The following GRIA2 variants were observed in gnomAD, a reference collection of about 807,000 sequenced individuals.
GRIA2 encodes glutamate receptor 2.
GRIA2 carries 14 observed loss-of-function variants against 97.3 expected under a neutral mutation model. That is an observed-to-expected ratio of 0.14 (90% CI 0.10 to 0.23). The LOEUF (loss-of-function observed/expected upper bound fraction) is 0.23. Ranked by LOEUF, GRIA2 falls within the 10% of genes least tolerant of loss-of-function variation. The pLI, the probability that GRIA2 is intolerant of heterozygous loss-of-function variation, is 1.00. For missense variants in GRIA2, 558 were observed against 1,069.8 expected, an observed-to-expected ratio of 0.52 and a Z score of 6.67; for synonymous variants, 412 against 387.8, an observed-to-expected ratio of 1.06 and a Z score of -0.73.
chr4:157,269,829 T>G (rs570336234), intron 2 of GRIA2, among the ~76,000 whole-genome samples: 1 of 152,258 alleles, frequency 6.6e-6, no homozygotes, highest in South Asian at 2.1e-4. Context: ...ATTCGGTATC[T>G]ACAGCCTTTA....
At chr4:157,247,623 G>A (rs1044999123) in intron 2 of GRIA2, among the ~76,000 whole-genome samples, 1 of 152,164 alleles carries the variant, frequency 6.6e-6, no homozygotes, top group Non-Finnish European at 1.5e-5. Flanking sequence ...CAGTGGGCAT[G>A]CTTGGCTTCT....
intron 2 of GRIA2, among the ~76,000 whole-genome samples, chr4:157,223,988 T>G (rs568341067): frequency 6.6e-6 from 1 of 152,312 alleles, no homozygotes; most frequent in East Asian, 1.9e-4. Context: ...ATAAAATATA[T>G]AGCCAGAATA....
At chr4:157,319,645 C>T (rs991673146) in intron 5 of GRIA2, among the ~76,000 whole-genome samples, 4 of 152,192 alleles carry the variant, frequency 2.6e-5, no homozygotes, top group Admixed American at 1.3e-4. Context: ...CAATGCCACC[C>T]GAAGTTGAAG....
intron 12 of GRIA2, among the ~76,000 whole-genome samples, chr4:157,355,942 A>ATAT (rs1560781198): frequency 2.7e-4 from 1 of 3,740 alleles, no homozygotes; most frequent in Admixed American, 0.01. Flanking sequence ...TTTATATATT[A>ATAT]ATATATATTT....
chr4:157,258,360 G>A (rs918018579), intron 2 of GRIA2, among the ~76,000 whole-genome samples: 15 of 151,968 alleles, frequency 9.9e-5, no homozygotes, highest in Non-Finnish European at 1.9e-4. Flanking sequence ...CGGCCACTCT[G>A]GGGACGTCTG....
intron 2 of GRIA2, among the ~76,000 whole-genome samples, chr4:157,242,860 T>C (rs1326044266): frequency 6.6e-6 from 1 of 152,116 alleles, no homozygotes; most frequent in African/African-American, 2.4e-5. Context: ...AACAGTACTA[T>C]AATTCAAGCC....
chr4:157,333,108 C>A, intron 7 of GRIA2, 122 bp downstream of exon 7: 1 of 966,282 alleles, frequency 1.0e-6, no homozygotes, highest in East Asian at 2.6e-5. Flanking sequence ...TCTTTTCTAA[C>A]AACACAAAGG....
chr4:157,317,793 C>A, intron 5 of GRIA2, 82 bp downstream of exon 5: 1 of 638,884 alleles, frequency 1.6e-6, no homozygotes, highest in Non-Finnish European at 2.8e-6. Context: ...CAGCATTTAT[C>A]AGTGGTGTTT....
Position 157,312,807 on chromosome 4 carries a change from G to C in GRIA2, c.598G>C (p.Glu200Gln). Residue 200 changes from glutamate (E) to glutamine (Q), a missense_variant, in exon 4 of 16, where the codon GAG (glutamate) becomes CAG (glutamine). Physicochemically the swap from Glu to Gln is conservative, Grantham distance 29. Transcript: ENST00000264426. ...GTACCGATCACTTTTTCAAGATCTGGAGTTAAAAAAGGAACGGCGTGTAAT... is the reference window on the plus strand; with the variant it reads ...GTACCGATCACTTTTTCAAGATCTGCAGTTAAAAAAGGAACGGCGTGTAAT... ...EMYRSLFQDLELKKERRVILD... is the reference protein window; with the variant it reads ...EMYRSLFQDLQLKKERRVILD... 1 of 1,611,260 alleles carries C rather than the reference G, an allele frequency of 6.2e-7. No homozygotes were observed. The highest frequency in any genetic ancestry group is 8.5e-7 in the Non-Finnish European group (1 of 1,177,882).
chr4:157,220,893 C>T lies in GRIA2; in HGVS notation c.-150C>T, dbSNP rs946212484. 5 of 626,666 alleles carry T rather than the reference C, an allele frequency of 8.0e-6. No homozygotes were observed. Among genetic ancestry groups the T allele is most frequent in the African/African-American group, 5.5e-5 (3 of 54,298 alleles). 38.8% of individuals were successfully genotyped at this position (626,666 alleles called of 1,614,324 possible). On this transcript the variant is annotated 5_prime_UTR_variant, in exon 1 of 16. Coordinates refer to ENST00000264426, the MANE Select transcript of GRIA2 (RefSeq NM_001083619.3). ...CAGGACCTGGGAAATAGGGATTCTT[C>T]TGCCTCCACTTCAGGTTTTAGCAGC...
chr4:157,333,031 T>C, intron 7 of GRIA2, 45 bp downstream of exon 7: 1 of 1,391,842 alleles, frequency 7.2e-7, no homozygotes, highest in South Asian at 1.3e-5. Context: ...ATATGGCCAT[T>C]AATGTTTTCT....
chr4:157,259,495 G>C (rs1731430280), intron 2 of GRIA2, among the ~76,000 whole-genome samples: 1 of 152,112 alleles, frequency 6.6e-6, no homozygotes, highest in Non-Finnish European at 1.5e-5. Context: ...ATCCTGTAGA[G>C]AGTTTATTTC....
intron 2 of GRIA2, among the ~76,000 whole-genome samples, chr4:157,241,145 C>T (rs1359141051): frequency 3.3e-5 from 5 of 152,142 alleles, no homozygotes; most frequent in African/African-American, 4.8e-5. Flanking sequence ...TGAGTATTTG[C>T]ATGTTTGCAA....
In GRIA2 at chr4:157,352,390, GT is replaced by G. The variant is rs201802300; in HGVS notation, c.2044-7505del. Among the ~76,000 whole-genome samples the G allele has an allele frequency of 9.6e-3, 1,467 of 152,084 alleles. 13 individuals are homozygous for G. Among genetic ancestry groups the G allele is most frequent in the Middle Eastern group, 0.024 (7 of 294 alleles). On this transcript the variant is annotated intron_variant, in intron 12 of 15. Coordinates refer to ENST00000264426, the MANE Select transcript of GRIA2 (RefSeq NM_001083619.3). ...TTTTAGATTTTTAAGATTCATTCTA[GT>G]ACTAATCATTTGAAAACCATAAACT...
chr4:157,336,813 G>T lies in GRIA2; in HGVS notation c.1844+66G>T, dbSNP rs539888534. 22 of 1,472,834 alleles carry T rather than the reference G, an allele frequency of 1.5e-5. No individual in the cohort carries two copies. In the Admixed American group the frequency reaches 4.1e-4, roughly 27 times the overall value. 91.2% of individuals were successfully genotyped at this position (1,472,834 alleles called of 1,614,324 possible). On this transcript the variant is annotated intron_variant, in intron 11 of 15. Transcript: ENST00000264426. ...TCAAGTGGACATTCATGGTGTTTAT[G>T]GATTCACCCTAAAGAAGTTACCAGC... is the stretch of plus-strand genomic sequence containing the variant.
intron 4 of GRIA2, 52 bp from the exon 5 acceptor site, chr4:157,317,606 T>C (rs1734381298): frequency 4.1e-6 from 3 of 723,284 alleles, no homozygotes; most frequent in Non-Finnish European, 2.4e-6. Context: ...CCATTAATTT[T>C]ACACTTGCAT....
intron 14 of GRIA2, 78 bp from the exon 15 acceptor site, chr4:157,362,721 A>C: frequency 8.3e-7 from 1 of 1,210,212 alleles, no homozygotes; most frequent in Non-Finnish European, 1.2e-6. Context: ...TTCCCGTGAT[A>C]ATGCTATGTG....
intron 2 of GRIA2, among the ~76,000 whole-genome samples, chr4:157,227,443 G>A (rs1163411459): frequency 6.6e-6 from 1 of 152,160 alleles, no homozygotes; most frequent in Non-Finnish European, 1.5e-5. Context: ...AGTTTTCAGA[G>A]AGTATGTGTT....
chr4:157,252,707 A>C (rs1006333314), intron 2 of GRIA2, among the ~76,000 whole-genome samples: 2 of 152,176 alleles, frequency 1.3e-5, no homozygotes, highest in African/African-American at 4.8e-5. Context: ...AGCACAAGAT[A>C]GACCAGTGGA....
Sources: gnomAD v4.1 joint callset for allele counts (sites outside exome capture counted in the v4.1 genomes callset) on GRCh38, gnomAD v4.1.1 for gene constraint, MANE v1.5 for transcripts, NCBI Gene and HGNC (gene_info 2026-07-23, HGNC 2026-07-21) for gene names.